The following TBC1D9B variants were observed in gnomAD, a reference collection of about 807,000 sequenced individuals.
TBC1D9B encodes TBC1 domain family, member 9B (with GRAM domain).
In TBC1D9B, 87 loss-of-function variants were observed where a neutral mutation model predicts 121.1. The observed-to-expected ratio is 0.72, with a 90% confidence interval of 0.60 to 0.86. The LOEUF is 0.86. TBC1D9B is among the 40% of genes least tolerant of loss of function. The probability of loss-of-function intolerance (pLI) is 0.00; values close to 1 mark genes in which losing one functional copy is unlikely to be tolerated. For synonymous variants in TBC1D9B, 668 were observed against 670.1 expected, an observed-to-expected ratio of 1.00 and a Z score of 0.05; for missense variants, 1,540 against 1,628.6, an observed-to-expected ratio of 0.95 and a Z score of 0.94.
At chr5:179,900,705 G>A (rs1030594272) in intron 2 of TBC1D9B, among the ~76,000 whole-genome samples, 4 of 152,146 alleles carry the variant, frequency 2.6e-5, no homozygotes, top group Admixed American at 6.5e-5. Flanking sequence ...CTGATCGATT[G>A]GCATTGAGCT....
rs1428704881 is a variant in TBC1D9B, at chr5:179,891,763, G to A, written c.837-177C>T. 6.6e-6 allele frequency among the ~76,000 whole-genome samples: 1 copy of A among 152,202 alleles called. No individual in the cohort carries two copies. Among genetic ancestry groups the A allele is most frequent in the Non-Finnish European group, 1.5e-5 (1 of 68,026 alleles). ...CAGAGTTCAATAAAAGATGCATGCT[G>A]AGTGAGCAGGCAGAAGGTGAGACAG... On this transcript the variant is annotated intron_variant, in intron 5 of 20. Coordinates refer to ENST00000355235, the MANE Select transcript of TBC1D9B (RefSeq NM_015043.4). This position sits in a 1 kb window ranked among gnomAD's most constrained non-coding sequence, Gnocchi z 4.3.
chr5:179,870,113 G>C, intron 16 of TBC1D9B, 142 bp downstream of exon 16: 2 of 1,408,096 alleles, frequency 1.4e-6, no homozygotes, highest in African/African-American at 2.9e-5. Flanking sequence ...TGGGTAAACT[G>C]TTCTTCCCGT....
chr5:179,868,023 G>T, intron 17 of TBC1D9B, 174 bp from the exon 18 acceptor site: 1 of 485,188 alleles, frequency 2.1e-6, no homozygotes, highest in Non-Finnish European at 3.5e-6. Flanking sequence ...GATTGGTTCT[G>T]GTTATTTGTT....
At chr5:179,880,983 G>T (rs553012527) in intron 7 of TBC1D9B, among the ~76,000 whole-genome samples, 7 of 152,284 alleles carry the variant, frequency 4.6e-5, no homozygotes, top group African/African-American at 1.4e-4. Context: ...GTGCCTTGGA[G>T]GATCACACAT....
chr5:179,882,831 C>A (rs550709420), intron 7 of TBC1D9B, among the ~76,000 whole-genome samples: 13 of 152,264 alleles, frequency 8.5e-5, no homozygotes, highest in South Asian at 4.1e-4. Flanking sequence ...GAGACACCCT[C>A]CCCAACCCCC....
In TBC1D9B at chr5:179,875,914, A is replaced by G; in HGVS notation, c.1900+6T>C. 1 of 1,599,386 alleles carries G rather than the reference A, an allele frequency of 6.3e-7. No homozygotes were observed. The highest frequency in any genetic ancestry group is 1.1e-5 in the South Asian group (1 of 88,506). On this transcript the variant is annotated splice_donor_region_variant and intron_variant, in intron 11 of 20. Coordinates refer to ENST00000355235, the MANE Select transcript of TBC1D9B (RefSeq NM_015043.4). This position sits in a 1 kb window ranked among gnomAD's most constrained non-coding sequence, Gnocchi z 4.5. ...CCCAGGCGAGGCAGCACCCGGGGAC[A>G]CTCACCCACCACCCTGGTGTTGTAG...
rs773879502 is a variant in TBC1D9B, at chr5:179,865,602, G to A, written c.2914+236C>T. The A allele has an allele frequency of 7.8e-5, 48 of 618,634 alleles. No homozygotes were observed. Among genetic ancestry groups the A allele is most frequent in the Non-Finnish European group, 1.2e-4 (43 of 352,700 alleles). 38.3% of individuals were successfully genotyped at this position (618,634 alleles called of 1,614,324 possible). ...TGATCCACAATGTCTTCTCTCAGATGGGGAGTCACAGGGCAGCTGGAGAGA... is the reference window on the plus strand; with the variant it reads ...TGATCCACAATGTCTTCTCTCAGATAGGGAGTCACAGGGCAGCTGGAGAGA... On this transcript the variant is annotated intron_variant, in intron 19 of 20. Transcript: ENST00000355235. The surrounding 1 kb of genome is among the most constrained non-coding windows in gnomAD (Gnocchi z 5.1).
chr5:179,879,505 T>C, intron 8 of TBC1D9B, 123 bp downstream of exon 8: 1 of 1,450,150 alleles, frequency 6.9e-7, no homozygotes, highest in South Asian at 1.2e-5. Flanking sequence ...GCAGCCTGGG[T>C]GGGCACTGCC....
intron 3 of TBC1D9B, among the ~76,000 whole-genome samples, chr5:179,898,957 G>A (rs557929583): frequency 6.6e-6 from 1 of 152,334 alleles, no homozygotes; most frequent in South Asian, 2.1e-4. Context: ...AGGAATGGAA[G>A]CCCCGCACTA....
intron 3 of TBC1D9B, among the ~76,000 whole-genome samples, chr5:179,896,500 A>T (rs1273796937): frequency 6.6e-6 from 1 of 152,142 alleles, no homozygotes; most frequent in Non-Finnish European, 1.5e-5. Flanking sequence ...AATAAATGTT[A>T]TTCTAATAAA....
At chr5:179,892,689 T>TG (rs1203447183) in intron 5 of TBC1D9B, among the ~76,000 whole-genome samples, 1 of 152,182 alleles carries the variant, frequency 6.6e-6, no homozygotes, top group Non-Finnish European at 1.5e-5. Context: ...TCAGGACCCC[T>TG]GGGGGTCCCA....
chr5:179,878,975 A>T, intron 9 of TBC1D9B, 72 bp downstream of exon 9: 1 of 1,551,098 alleles, frequency 6.4e-7, no homozygotes, highest in Non-Finnish European at 8.7e-7. Flanking sequence ...CTCAGGACAG[A>T]CGAGCTCACA....
At chr5:179,864,165 A>G (rs757088007) in intron 20 of TBC1D9B, 37 bp from the exon 21 acceptor site, 1 of 1,554,028 alleles carries the variant, frequency 6.4e-7, no homozygotes. Flanking sequence ...GGGAGATGGT[A>G]AAAGACCAGT....
Position 179,907,795 on chromosome 5 carries a change from C to G in TBC1D9B, c.27G>C (p.Leu9=). Residue 9 remains leucine (L), a synonymous_variant, in exon 1 of 21, where the codon CTG becomes CTC. Transcript: ENST00000355235. This position sits in a 1 kb window ranked among gnomAD's most constrained non-coding sequence, Gnocchi z 5.3. The part of the protein sequence containing the change: MWLSPEEV[L]VANALWVTER... The stretch of plus-strand genomic sequence containing the variant: ...CCGTCACCCACAGCGCATTGGCCAC[C>G]AGCACCTCCTCCGGGCTCAGCCACA... 8.2e-7 allele frequency: 1 copy of G among 1,220,140 alleles called. No individual in the cohort carries two copies. The highest frequency in any genetic ancestry group is 1.1e-6 in the Non-Finnish European group (1 of 952,048). 75.6% of individuals were successfully genotyped at this position (1,220,140 alleles called of 1,614,324 possible).
Position 179,876,028 on chromosome 5 carries a change from T to C in TBC1D9B, c.1792A>G (p.Ile598Val), listed in dbSNP as rs756192267. Residue 598 changes from isoleucine to valine, a missense_variant, in exon 11 of 21, where the codon ATC becomes GTC. Coordinates refer to ENST00000355235, the MANE Select transcript of TBC1D9B (RefSeq NM_015043.4). ...PTIGYCQAMN[I>V]VTSVLLLYGS... ...TAGAGCAGGAGCACCGAGGTCACGA[T>C]GTTCATTGCCTGCCGGGCACAGAGA... is the stretch of plus-strand genomic sequence containing the variant. 4.3e-6 allele frequency: 7 copies of C among 1,612,496 alleles called. No homozygotes were observed. The Admixed American group carries it at 5.0e-5, about 12-fold the overall frequency.
chr5:179,878,191 T>C, intron 10 of TBC1D9B, 118 bp downstream of exon 10: 2 of 1,023,626 alleles, frequency 2.0e-6, no homozygotes, highest in South Asian at 1.6e-5. Flanking sequence ...CTTTTTCTGC[T>C]GGGCTCCTTC....
chr5:179,871,158 A>G (rs548364839), intron 15 of TBC1D9B, among the ~76,000 whole-genome samples: 2 of 152,282 alleles, frequency 1.3e-5, no homozygotes, highest in East Asian at 3.9e-4. Context: ...CCATGCCTGA[A>G]GCTGTGCATT....
intron 5 of TBC1D9B, 152 bp downstream of exon 5, chr5:179,893,057 C>T: frequency 9.1e-7 from 1 of 1,104,242 alleles, no homozygotes; most frequent in Non-Finnish European, 1.3e-6. Flanking sequence ...CTGCAATGAT[C>T]TGTTTACCTG....
At chr5:179,878,993 A>C in intron 9 of TBC1D9B, 54 bp downstream of exon 9, 3 of 1,576,408 alleles carry the variant, frequency 1.9e-6, no homozygotes, top group Non-Finnish European at 2.6e-6. Context: ...ACACGGGGAG[A>C]GCTTGGGGAC....
Sources: allele counts gnomAD v4.1 joint callset (sites outside exome capture counted in the v4.1 genomes callset), GRCh38; gene constraint gnomAD v4.1.1; non-coding constraint Gnocchi (gnomAD v3.1); transcripts MANE v1.5; gene names NCBI Gene and HGNC (gene_info 2026-07-23, HGNC 2026-07-21).